Variants in ABL1 observed in about 807,000 individuals in gnomAD.
ABL1 encodes ABL proto-oncogene 1, non-receptor tyrosine kinase.
ABL1 carries 11 observed loss-of-function variants against 94.7 expected under a neutral mutation model. The ratio of observed to expected loss-of-function variants is 0.12; its 90% CI spans 0.07 to 0.19. The LOEUF (loss-of-function observed/expected upper bound fraction) is 0.19. ABL1 is among the 10% of genes least tolerant of loss of function. The pLI, the probability that ABL1 is intolerant of heterozygous loss-of-function variation, is 1.00. For missense variants in ABL1, 1,082 were observed against 1,489.4 expected (o/e 0.73, Z 4.50); for synonymous variants, 656 against 622.4 (o/e 1.05, Z -0.80).
intron 4 of ABL1, among the ~76,000 whole-genome samples, chr9:130,865,142 G>A (rs1831134107): frequency 6.6e-6 from 1 of 152,146 alleles, no homozygotes; most frequent in South Asian, 2.1e-4. Flanking sequence ...CTAATAATGT[G>A]TTACTCTGCT....
At chr9:130,721,599 A>G (rs1388724450) in intron 1 of ABL1, among the ~76,000 whole-genome samples, 2 of 151,864 alleles carry the variant, frequency 1.3e-5, no homozygotes, top group Non-Finnish European at 2.9e-5. Context: ...AATCCCAGCT[A>G]CTCAAGAGGC....
chr9:130,732,801 G>A (rs1042947134), intron 1 of ABL1, among the ~76,000 whole-genome samples: 6 of 150,646 alleles, frequency 4.0e-5, no homozygotes, highest in East Asian at 3.9e-4. Flanking sequence ...CACTGTGTCC[G>A]TCTGTTCTTC....
At chr9:130,823,923 A>C (rs1209956679) in intron 1 of ABL1, among the ~76,000 whole-genome samples, 3 of 152,184 alleles carry the variant, frequency 2.0e-5, no homozygotes, top group Non-Finnish European at 4.4e-5. Flanking sequence ...AAGAAAGTCT[A>C]GTTGATATGC....
intron 4 of ABL1, among the ~76,000 whole-genome samples, chr9:130,865,112 G>A (rs966428129): frequency 6.6e-6 from 1 of 152,152 alleles, no homozygotes; most frequent in Non-Finnish European, 1.5e-5. Context: ...TAAAGTGGGT[G>A]CCTTTCAGAA....
At chr9:130,830,630 G>A (rs1452224388), upstream of ABL1, among the ~76,000 whole-genome samples, 1 of 152,190 alleles carries the variant, frequency 6.6e-6, no homozygotes, top group Non-Finnish European at 1.5e-5. Flanking sequence ...TCTTGACTGA[G>A]TCCCAGTGAG....
chr9:130,766,277 G>GCAGGACAGATGCCTTACTGT (rs963098568), intron 1 of ABL1, among the ~76,000 whole-genome samples: 5 of 152,350 alleles, frequency 3.3e-5, no homozygotes, highest in African/African-American at 7.2e-5. Flanking sequence ...GTCTTGCTGG[G>GCAGGACAGATGCCTTACTGT]CAGGACAGAT....
At chr9:130,851,623 GTAT>G (rs1380440363) in intron 1 of ABL1, among the ~76,000 whole-genome samples, 1 of 151,768 alleles carries the variant, frequency 6.6e-6, no homozygotes. Flanking sequence ...CCCTGAGATG[GTAT>G]TATTACCCAG....
intron 1 of ABL1, among the ~76,000 whole-genome samples, chr9:130,769,995 C>A (rs1053662711): frequency 1.3e-5 from 2 of 152,136 alleles, no homozygotes; most frequent in African/African-American, 4.8e-5. Context: ...GAGGAGTCAA[C>A]CACGTTGTTG....
intron 1 of ABL1, among the ~76,000 whole-genome samples, chr9:130,849,195 CTT>C (rs375066073): frequency 4.7e-4 from 72 of 152,244 alleles, no homozygotes; most frequent in African/African-American, 1.6e-3. Flanking sequence ...CATAAACTAA[CTT>C]ATCCTGTGTT....
chr9:130,724,924 G>A (rs147993099), intron 1 of ABL1: 244 of 370,526 alleles, frequency 6.6e-4, no homozygotes, highest in Non-Finnish European at 1.2e-3. Flanking sequence ...TTCCTCTTGC[G>A]CTTGGCGGGG....
chr9:130,801,956 G>T (rs1830061127), intron 1 of ABL1, among the ~76,000 whole-genome samples: 1 of 151,948 alleles, frequency 6.6e-6, no homozygotes, highest in Non-Finnish European at 1.5e-5. Flanking sequence ...TTAAGTTTGG[G>T]CAGTTTTTGG....
chr9:130,729,985 C>CA (rs1831640911), intron 1 of ABL1, among the ~76,000 whole-genome samples: 1 of 151,272 alleles, frequency 6.6e-6, no homozygotes, highest in Non-Finnish European at 1.5e-5. Flanking sequence ...TCAAGTGATC[C>CA]ACCTGCCTTG....
upstream of ABL1, among the ~76,000 whole-genome samples, chr9:130,830,443 T>G (rs1830481283): frequency 6.6e-6 from 1 of 152,182 alleles, no homozygotes; most frequent in Admixed American, 6.5e-5. Flanking sequence ...TGGTTGCAAA[T>G]CTTTGCTTTA....
chr9:130,876,452 A>G (rs548666633), intron 7 of ABL1, among the ~76,000 whole-genome samples: 15 of 142,094 alleles, frequency 1.1e-4, no homozygotes, highest in Admixed American at 5.0e-4. Flanking sequence ...TTTCTGGGGT[A>G]CAAAGTACAG....
In ABL1 at chr9:130,884,153, C is replaced by T. The variant is rs956439300; in HGVS notation, c.1863C>T (p.Phe621=). The change falls in exon 11 of 11, where the codon TTC becomes TTT. Residue 621 remains phenylalanine (F), a synonymous_variant. Coordinates refer to ENST00000318560, the MANE Select transcript of ABL1 (RefSeq NM_005157.6). The surrounding 1 kb of genome is among the most constrained non-coding windows in gnomAD (Gnocchi z 5.6). ...CCCCTCCCAAACGCAGCAGCTCCTT[C>T]CGGGAGATGGACGGCCAGCCGGAGC... is the stretch of plus-strand genomic sequence containing the variant. ...APTPPKRSSS[F]REMDGQPERR... is the part of the protein sequence containing the mutation. The T allele has an allele frequency of 2.5e-6, 4 of 1,613,180 alleles. No homozygotes were observed. The highest frequency in any genetic ancestry group is 1.6e-4 in the Middle Eastern group (1 of 6,078).
chr9:130,786,205 G>A (rs1829823550), intron 1 of ABL1, among the ~76,000 whole-genome samples: 1 of 152,164 alleles, frequency 6.6e-6, no homozygotes, highest in African/African-American at 2.4e-5. Context: ...CTGAGGATTG[G>A]CTATTTTGGA....
At chr9:130,834,844 T>C (rs1160973659), upstream of ABL1, 2 of 453,690 alleles carry the variant, frequency 4.4e-6, no homozygotes, top group Admixed American at 2.4e-5. Context: ...TTAGTATTGG[T>C]AACTGCAGAG....
intron 1 of ABL1, among the ~76,000 whole-genome samples, chr9:130,790,523 G>A (rs1829895323): frequency 6.6e-6 from 1 of 151,154 alleles, no homozygotes; most frequent in East Asian, 1.9e-4. Flanking sequence ...TCATTCTGTT[G>A]GCCAGGCTGG....
chr9:130,788,106 A>G (rs1829855286), intron 1 of ABL1, among the ~76,000 whole-genome samples: 1 of 152,246 alleles, frequency 6.6e-6, no homozygotes, highest in African/African-American at 2.4e-5. Context: ...TTCCTCACAG[A>G]TCAGTGCAGT....
Sources: allele counts gnomAD v4.1 joint callset (sites outside exome capture counted in the v4.1 genomes callset), GRCh38; gene constraint gnomAD v4.1.1; non-coding constraint Gnocchi (gnomAD v3.1); transcripts MANE v1.5; gene names NCBI Gene and HGNC (gene_info 2026-07-23, HGNC 2026-07-21).